KATNA1: variants seen among roughly 807,000 people sequenced by gnomAD.
KATNA1 encodes the protein katanin p60 ATPase-containing subunit A1.
A neutral mutation model predicts 62.6 loss-of-function variants in KATNA1; 42 were observed. That is an observed-to-expected ratio of 0.67 (90% CI 0.52 to 0.87). KATNA1 has a LOEUF of 0.87. KATNA1 is among the 40% of genes least tolerant of loss of function. The pLI, the probability that KATNA1 is intolerant of heterozygous loss-of-function variation, is 0.00. For synonymous variants in KATNA1, 186 were observed against 201.9 expected, an observed-to-expected ratio of 0.92 and a Z score of 0.67; for missense variants, 498 against 612.5, an observed-to-expected ratio of 0.81 and a Z score of 1.97.
chr6:149,596,695 TC>T (rs1480947888), intron 10 of KATNA1, among the ~76,000 whole-genome samples: 1 of 152,008 alleles, frequency 6.6e-6, no homozygotes, highest in African/African-American at 2.4e-5. Context: ...TGCCTCAGCT[TC>T]CTGAGCAGGT....
chr6:149,630,907 C>G (rs940103478), intron 3 of KATNA1, among the ~76,000 whole-genome samples: 7 of 152,176 alleles, frequency 4.6e-5, no homozygotes, highest in African/African-American at 1.7e-4. Flanking sequence ...CACAATATAT[C>G]TAGGTTCAAA....
chr6:149,598,138 T>C, intron 8 of KATNA1, 86 bp downstream of exon 8: 1 of 1,472,656 alleles, frequency 6.8e-7, no homozygotes, highest in Non-Finnish European at 9.3e-7. Flanking sequence ...GGGTTAGCAC[T>C]ATGAGTAAAG....
At chr6:149,630,482 A>G (rs1270118895) in intron 3 of KATNA1, among the ~76,000 whole-genome samples, 1 of 152,182 alleles carries the variant, frequency 6.6e-6, no homozygotes, top group African/African-American at 2.4e-5. Context: ...TACAAAAATT[A>G]GCCGGGCGTG....
chr6:149,633,156 T>G (rs1176409196), intron 2 of KATNA1, among the ~76,000 whole-genome samples: 2 of 142,466 alleles, frequency 1.4e-5, no homozygotes, highest in African/African-American at 5.3e-5. Context: ...CAGGCTGGAG[T>G]GCAGTGGCGT....
rs776270241 is a variant in KATNA1 at position 149,603,322 on chromosome 6, T to C, written c.675A>G (p.Val225=). 5.6e-6 allele frequency: 9 copies of C among 1,603,812 alleles called. No individual in the cohort carries two copies. The highest frequency in any genetic ancestry group is 2.2e-5 in the East Asian group (1 of 44,540). ...ATTCGGGCATCCACATTGGTAACAC[T>C]ACGGCTTCCTTAAGCAACTTTTTAG... ...VEAKKLLKEA[V]VLPMWMPEFF... is the part of the protein sequence containing the mutation. Residue 225 remains valine (V), a synonymous_variant, in exon 6 of 11, where the codon GTA becomes GTG. Coordinates refer to ENST00000367411, the MANE Select transcript of KATNA1 (RefSeq NM_007044.4).
At chr6:149,632,684 C>T (rs1779894986) in intron 3 of KATNA1, 75 bp downstream of exon 3, 4 of 1,263,896 alleles carry the variant, frequency 3.2e-6, no homozygotes, top group Non-Finnish European at 4.3e-6. Flanking sequence ...TCTCAGCCAC[C>T]CCATCCTCCT....
intron 4 of KATNA1, among the ~76,000 whole-genome samples, chr6:149,619,208 G>A (rs961318298): frequency 2.6e-5 from 4 of 152,022 alleles, no homozygotes; most frequent in African/African-American, 4.8e-5. Context: ...ACATATAAAT[G>A]GTCAAGAGGC....
intron 1 of KATNA1, among the ~76,000 whole-genome samples, chr6:149,648,217 A>G (rs1227272996): frequency 6.6e-6 from 1 of 152,164 alleles, no homozygotes; most frequent in Non-Finnish European, 1.5e-5. Flanking sequence ...TTCGCTAACG[A>G]CACAGATCAA....
In KATNA1 at chr6:149,645,456, CA is replaced by C. The variant is rs201041700; in HGVS notation, c.-14+3012del. On this transcript the variant is annotated intron_variant, in intron 1 of 10. Coordinates refer to ENST00000367411, the MANE Select transcript of KATNA1 (RefSeq NM_007044.4). ...AGACTCCATCTCAAAAAACAAAAAA[CA>C]AAAAAAAAAAAAAGAAAGAAAAAAA... 2.2e-3 allele frequency among the ~76,000 whole-genome samples: 268 copies of C among 123,668 alleles called. 1 individual carries two copies. Among genetic ancestry groups the C allele is most frequent in the African/African-American group, 3.1e-3 (104 of 33,714 alleles). 81.1% of individuals were successfully genotyped at this position (123,668 alleles called of 152,430 possible). A position where few individuals can be genotyped will look rare whatever the true frequency, so the allele number is the denominator to read the frequency against.
At chr6:149,634,187 C>A (rs540934837) in intron 2 of KATNA1, among the ~76,000 whole-genome samples, 1 of 151,394 alleles carries the variant, frequency 6.6e-6, no homozygotes, top group African/African-American at 2.4e-5. Flanking sequence ...CCACAACAAT[C>A]GCTTGAACCC....
chr6:149,617,169 T>G (rs1484865210), intron 4 of KATNA1, among the ~76,000 whole-genome samples: 4 of 152,150 alleles, frequency 2.6e-5, no homozygotes, highest in Admixed American at 1.3e-4. Flanking sequence ...ATGATAAGAA[T>G]GATGACTTTA....
intron 10 of KATNA1, 69 bp downstream of exon 10, chr6:149,596,994 A>T (rs942592625): frequency 2.9e-5 from 45 of 1,557,710 alleles, no homozygotes; most frequent in Non-Finnish European, 3.9e-5. Context: ...GTCTCAAAAA[A>T]CAAAACCAAA....
At chr6:149,644,611 G>T (rs1780410722) in intron 1 of KATNA1, among the ~76,000 whole-genome samples, 1 of 151,566 alleles carries the variant, frequency 6.6e-6, no homozygotes, top group Non-Finnish European at 1.5e-5. Context: ...AAAGAGTAAG[G>T]CTCTGTATCA....
rs566045501 is a variant in KATNA1 at position 149,608,915 on chromosome 6, G to C, written c.502-4133C>G. 2.6e-5 allele frequency among the ~76,000 whole-genome samples: 4 copies of C among 152,290 alleles called. No homozygotes were observed. The South Asian group carries it at 8.3e-4, about 32-fold the overall frequency. ...CGGTGGCACCCCAATCTCTCTGCCA[G>C]AGCAATGTTAGGAAAAATCAGCTAA... On this transcript the variant is annotated intron_variant, in intron 4 of 10. Coordinates refer to ENST00000367411, the MANE Select transcript of KATNA1 (RefSeq NM_007044.4).
At chr6:149,633,887 C>T (rs555795167) in intron 2 of KATNA1, among the ~76,000 whole-genome samples, 7 of 151,486 alleles carry the variant, frequency 4.6e-5, no homozygotes, top group South Asian at 4.2e-4. Flanking sequence ...ACCTGGGAGG[C>T]GGAGGTTGCG....
At chr6:149,625,419 A>G (rs1779566930) in intron 3 of KATNA1, among the ~76,000 whole-genome samples, 1 of 152,166 alleles carries the variant, frequency 6.6e-6, no homozygotes, top group Non-Finnish European at 1.5e-5. Context: ...ATGTGAGGCC[A>G]GGAGTTCGAG....
chr6:149,600,577 G>A (rs1033173059), intron 7 of KATNA1, among the ~76,000 whole-genome samples: 1 of 152,034 alleles, frequency 6.6e-6, no homozygotes, highest in Non-Finnish European at 1.5e-5. Flanking sequence ...AGGCTGCTGT[G>A]AGCCGAGATT....
chr6:149,597,731 G>C, intron 8 of KATNA1, 90 bp from the exon 9 acceptor site: 16 of 1,231,856 alleles, frequency 1.3e-5, no homozygotes, highest in Non-Finnish European at 1.7e-5. Flanking sequence ...CAACTATTTA[G>C]TACAACAATA....
chr6:149,598,478 ACTGGGAGGGTG>A (rs1288678612), intron 7 of KATNA1, 128 bp from the exon 8 acceptor site: 11 of 828,916 alleles, frequency 1.3e-5, no homozygotes, highest in Admixed American at 1.3e-4. Context: ...TAATCCCAAC[ACTGGGAGGGTG>A]AGGCAGGAGG....
Sources: allele counts gnomAD v4.1 joint callset (sites outside exome capture counted in the v4.1 genomes callset), GRCh38; gene constraint gnomAD v4.1.1; transcripts MANE v1.5; gene names NCBI Gene and HGNC (gene_info 2026-07-23, HGNC 2026-07-21).